The following OGDH variants were observed in gnomAD, a reference collection of about 807,000 sequenced individuals.
The protein encoded by OGDH is oxoglutarate dehydrogenase, also known as 2-oxoglutarate dehydrogenase complex component E1.
A neutral mutation model predicts 116.6 loss-of-function variants in OGDH; 38 were observed. The ratio of observed to expected loss-of-function variants is 0.33; its 90% CI spans 0.25 to 0.43. The LOEUF is 0.43. Among genes scored for constraint, OGDH ranks in the 20% least tolerant of loss-of-function variants. The pLI, the probability that OGDH is intolerant of heterozygous loss-of-function variation, is 1.00. For missense variants in OGDH, 825 were observed against 1,357.2 expected, an observed-to-expected ratio of 0.61 and a Z score of 6.16; for synonymous variants, 488 against 533.3, an observed-to-expected ratio of 0.92 and a Z score of 1.17.
intron 3 of OGDH, 137 bp downstream of exon 3, chr7:44,645,655 G>A (rs1051077123): frequency 1.5e-5 from 12 of 790,708 alleles, no homozygotes; most frequent in Admixed American, 3.1e-5. Context: ...CTTTCTCCCT[G>A]CTTTGGGAGG....
intron 2 of OGDH, among the ~76,000 whole-genome samples, chr7:44,632,460 G>A (rs1299188003): frequency 6.6e-6 from 1 of 152,164 alleles, no homozygotes; most frequent in Non-Finnish European, 1.5e-5. Context: ...ACACCACCAT[G>A]CCTGACTAAT....
intron 5 of OGDH, among the ~76,000 whole-genome samples, chr7:44,670,108 A>T (rs1787368326): frequency 6.6e-6 from 1 of 152,076 alleles, no homozygotes; most frequent in Non-Finnish European, 1.5e-5. Context: ...AAAACACAGC[A>T]TGATCTAGTG....
chr7:44,657,908 T>A (rs1197761141), intron 4 of OGDH, among the ~76,000 whole-genome samples: 2 of 152,226 alleles, frequency 1.3e-5, no homozygotes, highest in Non-Finnish European at 2.9e-5. Flanking sequence ...TGTCTTTCCT[T>A]CATTGAATTG....
intron 2 of OGDH, among the ~76,000 whole-genome samples, chr7:44,641,780 C>G (rs111711764): frequency 0.018 from 2,736 of 152,312 alleles, 92 homozygotes; most frequent in African/African-American, 0.062. Flanking sequence ...GTATGGAGCT[C>G]TCAGTCCTGC....
chr7:44,663,971 A>T (rs1211913760), intron 4 of OGDH, among the ~76,000 whole-genome samples: 1 of 151,914 alleles, frequency 6.6e-6, no homozygotes, highest in Non-Finnish European at 1.5e-5. Context: ...AAATTGTTTG[A>T]TGATGACTGT....
intron 20 of OGDH, among the ~76,000 whole-genome samples, chr7:44,706,277 A>G (rs1393196299): frequency 1.3e-5 from 2 of 151,470 alleles, no homozygotes; most frequent in South Asian, 4.2e-4. Flanking sequence ...TATTTGTAAA[A>G]TTCTGAGCAG....
rs755942327 is a variant in OGDH, at chr7:44,647,703, A to C, written c.461A>C (p.Asp154Ala). ...VAQLDPLGILDADLDSSVPAD... is the reference protein window; with the variant it reads ...VAQLDPLGILAADLDSSVPAD... ...CAGCTGGACCCCCTGGGGATTTTGG[A>C]TGCTGATCTGGACTCCTCCGTGCCC... Residue 154 changes from aspartate to alanine, a missense_variant, in exon 4 of 23, where the codon GAT becomes GCT. Physicochemically the swap from Asp to Ala is moderately radical, Grantham distance 126. Transcript: ENST00000222673. 1.2e-6 allele frequency: 2 copies of C among 1,613,322 alleles called. No homozygotes were observed. The highest frequency in any genetic ancestry group is 2.7e-5 in the African/African-American group (2 of 74,654).
intron 1 of OGDH, among the ~76,000 whole-genome samples, chr7:44,607,858 C>G (rs1018930159): frequency 9.2e-5 from 14 of 152,062 alleles, no homozygotes; most frequent in Admixed American, 6.6e-4. Context: ...CGCGCCATCA[C>G]GCCCGGCTAA....
chr7:44,629,262 GAGTTCCT>G (rs1477303536), intron 2 of OGDH, among the ~76,000 whole-genome samples: 1 of 152,214 alleles, frequency 6.6e-6, no homozygotes, highest in Non-Finnish European at 1.5e-5. Context: ...GCATGGTGTT[GAGTTCCT>G]TGTGATGCAT....
intron 2 of OGDH, among the ~76,000 whole-genome samples, chr7:44,632,690 T>G (rs938086785): frequency 1.4e-4 from 22 of 151,988 alleles, no homozygotes; most frequent in African/African-American, 5.3e-4. Context: ...CGATCTCGGC[T>G]CACTGCAACC....
chr7:44,649,046 G>C (rs1169538661), intron 4 of OGDH, among the ~76,000 whole-genome samples: 1 of 151,842 alleles, frequency 6.6e-6, no homozygotes, highest in African/African-American at 2.4e-5. Context: ...TCTGCCCTGT[G>C]CCTCTCCAGC....
intron 5 of OGDH, among the ~76,000 whole-genome samples, chr7:44,668,777 A>G (rs1787297182): frequency 1.3e-5 from 2 of 152,270 alleles, no homozygotes; most frequent in Admixed American, 1.3e-4. Context: ...CTTGAAATGT[A>G]CAAAATATTT....
chr7:44,696,247 C>A lies in OGDH; in HGVS notation c.1771+120C>A, dbSNP rs920795502. On this transcript the variant is annotated intron_variant, in intron 13 of 22. Coordinates refer to ENST00000222673, the MANE Select transcript of OGDH (RefSeq NM_002541.4). ...TACCCACAATGCACAGTTGTATGCA[C>A]CATTTCAGCAAAGCCCCCTGCAGAC... 9 of 1,024,368 alleles carry A rather than the reference C, an allele frequency of 8.8e-6. No homozygotes were observed. The African/African-American group carries it at 1.1e-4, about 13-fold the overall frequency. 63.5% of individuals were successfully genotyped at this position (1,024,368 alleles called of 1,614,324 possible). A position where few individuals can be genotyped will look rare whatever the true frequency, so the allele number is the denominator to read the frequency against.
chr7:44,638,026 C>G (rs1175388687), intron 2 of OGDH, among the ~76,000 whole-genome samples: 1 of 152,138 alleles, frequency 6.6e-6, no homozygotes, highest in Non-Finnish European at 1.5e-5. Context: ...AGCTTCCTGC[C>G]CCTTGAATGT....
intron 4 of OGDH, among the ~76,000 whole-genome samples, chr7:44,666,085 T>C (rs12155013): frequency 0.063 from 9,559 of 152,214 alleles, 375 homozygotes; most frequent in Middle Eastern, 0.095. Context: ...CAGAATGGGC[T>C]CAGAACGCAT....
At chr7:44,686,778 T>C (rs1208258417) in intron 10 of OGDH, among the ~76,000 whole-genome samples, 1 of 146,314 alleles carries the variant, frequency 6.8e-6, no homozygotes, top group Non-Finnish European at 1.5e-5. Flanking sequence ...AGCCTCCACC[T>C]CCTGGGTTCA....
At chr7:44,705,141 C>T (rs1299314161) in intron 20 of OGDH, among the ~76,000 whole-genome samples, 3 of 140,766 alleles carry the variant, frequency 2.1e-5, no homozygotes, top group Non-Finnish European at 4.5e-5. Context: ...CAAGCTCCAC[C>T]TCCCGGGTTC....
rs537033304 is a variant in OGDH, at chr7:44,706,228, C to G, written c.2633-997C>G. On this transcript the variant is annotated intron_variant, in intron 20 of 22. Coordinates refer to ENST00000222673, the MANE Select transcript of OGDH (RefSeq NM_002541.4). ...AAAGTGCTGGCCAACCCACTGTTCT[C>G]TATCTGAATATTTTCTCTGATTGTG... Among the ~76,000 whole-genome samples the G allele has an allele frequency of 7.3e-5, 11 of 151,510 alleles. No homozygotes were observed. The South Asian group carries it at 2.3e-3, about 32-fold the overall frequency.
chr7:44,627,503 A>G (rs999756343), intron 2 of OGDH, among the ~76,000 whole-genome samples: 1 of 152,226 alleles, frequency 6.6e-6, no homozygotes, highest in Non-Finnish European at 1.5e-5. Context: ...TAGATCATCT[A>G]TCTCATCTTC....
Sources: gnomAD v4.1 joint callset for allele counts (sites outside exome capture counted in the v4.1 genomes callset) on GRCh38, gnomAD v4.1.1 for gene constraint, MANE v1.5 for transcripts, NCBI Gene and HGNC (gene_info 2026-07-23, HGNC 2026-07-21) for gene names.